The following CDK20 variants were observed in gnomAD, a reference collection of about 807,000 sequenced individuals.
CDK20 encodes cyclin-dependent kinase 20.
In CDK20, 40 loss-of-function variants were observed where a neutral mutation model predicts 38.6. The ratio of observed to expected loss-of-function variants is 1.04; its 90% CI spans 0.81 to 1.35. The LOEUF is 1.35. Ranked by LOEUF, CDK20 falls within the 40% of genes most tolerant of loss-of-function variation. The pLI is 0.00. For missense variants in CDK20, 512 were observed against 452.6 expected, an observed-to-expected ratio of 1.13 and a Z score of -1.19; for synonymous variants, 209 against 185.7, an observed-to-expected ratio of 1.13 and a Z score of -1.02.
chr9:87,974,140 C>A (rs1830064132), intron 1 of CDK20, 105 bp from the exon 2 acceptor site: 1 of 1,567,712 alleles, frequency 6.4e-7, no homozygotes, highest in Non-Finnish European at 8.6e-7. Flanking sequence ...GCCCCCGGCT[C>A]GGCCAGAGGC....
intron 5 of CDK20, chr9:87,970,123 G>A (rs1403733692): frequency 1.6e-5 from 8 of 507,848 alleles, no homozygotes; most frequent in South Asian, 8.6e-5. Context: ...AAGACTTCTC[G>A]GAGACTCCTG....
In CDK20 at chr9:87,967,004, C is replaced by A; in HGVS notation, c.*458G>T. On this transcript the variant is annotated 3_prime_UTR_variant, in exon 8 of 8. Coordinates refer to ENST00000325303, the MANE Select transcript of CDK20 (RefSeq NM_001039803.3). ...GTTTTTAGAATCTATATCTCACATACTGAACTAGTGTTTAATGGCTCTGAG... is the reference window on the plus strand; with the variant it reads ...GTTTTTAGAATCTATATCTCACATAATGAACTAGTGTTTAATGGCTCTGAG... 2.0e-6 allele frequency: 1 copy of A among 491,804 alleles called. No homozygotes were observed. Among genetic ancestry groups the A allele is most frequent in the Non-Finnish European group, 4.1e-6 (1 of 245,794 alleles). The allele number at this position is 491,804 out of a possible 1,614,324, so 30.5% of individuals were successfully genotyped here. A position where few individuals can be genotyped will look rare whatever the true frequency, so the allele number is the denominator to read the frequency against.
At chr9:87,970,990 C>T (rs376697097) in intron 3 of CDK20, 93 bp from the exon 4 acceptor site, 116 of 1,553,748 alleles carry the variant, frequency 7.5e-5, no homozygotes, top group Admixed American at 1.8e-4. Context: ...AGGTCAGCCC[C>T]GGTCCCCACC....
In CDK20 at chr9:87,966,673, T is replaced by C. The variant is rs1013649658; in HGVS notation, c.*789A>G. 2 of 178,518 alleles carry C rather than the reference T, an allele frequency of 1.1e-5. No individual in the cohort carries two copies. The highest frequency in any genetic ancestry group is 4.7e-5 in the African/African-American group (2 of 42,594). 11.1% of individuals were successfully genotyped at this position (178,518 alleles called of 1,614,324 possible). A position where few individuals can be genotyped will look rare whatever the true frequency, so the allele number is the denominator to read the frequency against. The stretch of plus-strand genomic sequence containing the variant: ...TTCCAGGAACGCTTGTTTCCTTAAA[T>C]ACACAGCTGCTTCTGGCTCACGCTC... On this transcript the variant is annotated 3_prime_UTR_variant, in exon 8 of 8. Transcript: ENST00000325303.
chr9:87,969,275 C>T lies in CDK20; in HGVS notation c.762G>A (p.Leu254=). The T allele has an allele frequency of 6.2e-7, 1 of 1,614,016 alleles. No homozygotes were observed. The highest frequency in any genetic ancestry group is 8.5e-7 in the Non-Finnish European group (1 of 1,179,964). ...CCAATGCCTGGGGAGAGACGTCAGG[C>T]AGCACCTCCTCCAGGGGCATGGGCA... ...EQVPMPLEEV[L]PDVSPQALDL... The change falls in exon 7 of 8, where the codon CTG becomes CTA. Residue 254 remains leucine, a synonymous_variant. Coordinates refer to ENST00000325303, the MANE Select transcript of CDK20 (RefSeq NM_001039803.3).
Position 87,974,125 on chromosome 9 carries a change from C to T in CDK20, c.76-90G>A, listed in dbSNP as rs373667662. On this transcript the variant is annotated intron_variant, in intron 1 of 7. Transcript: ENST00000325303. ...GAGGGGAAGGTGGTTGAGAGAGAGA[C>T]ACGCGCCCCCGGCTCGGCCAGAGGC... The T allele has an allele frequency of 4.4e-5, 69 of 1,584,880 alleles. No individual in the cohort carries two copies. In the African/African-American group the frequency reaches 8.3e-4, roughly 19 times the overall value.
chr9:87,974,272 T>C (rs546013659), intron 1 of CDK20, 100 bp downstream of exon 1: 1 of 1,330,016 alleles, frequency 7.5e-7, no homozygotes, highest in South Asian at 1.2e-5. Flanking sequence ...TTTTAAAAAC[T>C]GTACTGGATG....
At chr9:87,971,652 G>A (rs1312209756) in intron 2 of CDK20, among the ~76,000 whole-genome samples, 1 of 152,124 alleles carries the variant, frequency 6.6e-6, no homozygotes, top group Non-Finnish European at 1.5e-5. Flanking sequence ...ACATGAGATG[G>A]ACAGGTCTCC....
At position 87,973,910 on chromosome 9, in the gene CDK20, TC is replaced by T; in HGVS notation, c.189+11del. 6.2e-7 allele frequency: 1 copy of T among 1,610,978 alleles called. No homozygotes were observed. The highest frequency in any genetic ancestry group is 8.5e-7 in the Non-Finnish European group (1 of 1,178,124). On this transcript the variant is annotated intron_variant, in intron 2 of 7. Transcript: ENST00000325303. ...GAGGGTGAGAATACCATGCCCCCCC[TC>T]CCCTACTCACATACTGATTGTCCTC...
Position 87,969,716 on chromosome 9 carries a change from T to A in CDK20, c.687+80A>T, listed in dbSNP as rs1437528637. On this transcript the variant is annotated intron_variant, in intron 6 of 7. Transcript: ENST00000325303. ...GGGTTGGGGCCAGGAGAGAGAAGGT[T>A]CAGGGGAGGGAGTGGTTACTTGCTG... 4 of 1,595,218 alleles carry A rather than the reference T, an allele frequency of 2.5e-6. No homozygotes were observed. In the East Asian group the frequency reaches 9.0e-5, roughly 36 times the overall value.
At chr9:87,971,569 A>G (rs567214200) in intron 2 of CDK20, among the ~76,000 whole-genome samples, 17 of 152,284 alleles carry the variant, frequency 1.1e-4, no homozygotes, top group Non-Finnish European at 2.2e-4. Context: ...AAAAGGTCTA[A>G]AAAAGGTCAT....
intron 2 of CDK20, among the ~76,000 whole-genome samples, chr9:87,971,790 G>A (rs888233770): frequency 6.6e-6 from 1 of 152,226 alleles, no homozygotes; most frequent in Admixed American, 6.5e-5. Context: ...AGAGGAGCCA[G>A]GCTACACAGA....
chr9:87,966,921 T>G lies in CDK20; in HGVS notation c.*541A>C, dbSNP rs571255582. 10 of 397,074 alleles carry G rather than the reference T, an allele frequency of 2.5e-5. No homozygotes were observed. The highest frequency in any genetic ancestry group is 1.0e-4 in the African/African-American group (5 of 48,364). The allele number at this position is 397,074 out of a possible 1,614,324, so 24.6% of individuals were successfully genotyped here. A position where few individuals can be genotyped will look rare whatever the true frequency, so the allele number is the denominator to read the frequency against. ...CGAGAGCCATGAGACAATGCCACCT[T>G]AGCCATTTCCCTTGAGAGAAATGAA... On this transcript the variant is annotated 3_prime_UTR_variant, in exon 8 of 8. Coordinates refer to ENST00000325303, the MANE Select transcript of CDK20 (RefSeq NM_001039803.3).
chr9:87,974,491 A>G lies in CDK20; in HGVS notation c.-45T>C, dbSNP rs1466484761. ...TGTGCCCCTGTGCCCCTGAACTTCC[A>G]AACTCCACTTCTCCTCCACCCCACG... On this transcript the variant is annotated 5_prime_UTR_variant, in exon 1 of 8. Transcript: ENST00000325303. 1.9e-6 allele frequency: 3 copies of G among 1,556,524 alleles called. No individual in the cohort carries two copies. The highest frequency in any genetic ancestry group is 3.5e-5 in the Admixed American group (2 of 57,590).
chr9:87,974,258 T>A (rs938902237), intron 1 of CDK20, 114 bp downstream of exon 1: 2 of 1,244,828 alleles, frequency 1.6e-6, no homozygotes, highest in Non-Finnish European at 2.2e-6. Context: ...AGAATATGAG[T>A]AGGTTTTAAA....
chr9:87,972,601 G>A (rs571694277), intron 2 of CDK20, among the ~76,000 whole-genome samples: 3 of 152,296 alleles, frequency 2.0e-5, no homozygotes, highest in East Asian at 3.9e-4. Flanking sequence ...CAGGGGAGCC[G>A]ATGACTTAAC....
At chr9:87,969,978 C>G (rs1829739041) in intron 5 of CDK20, 59 bp from the exon 6 acceptor site, 2 of 1,506,042 alleles carry the variant, frequency 1.3e-6, no homozygotes, top group Non-Finnish European at 1.8e-6. Context: ...ACAGACCCAC[C>G]CACAGAGCAG....
rs1420584337 is a variant in CDK20, at chr9:87,973,968, G to A, written c.143C>T (p.Ala48Val). ...RRLEDGFPNQ[A>V]LREIKALQEM... ...CTGCAGAGCCTTAATCTCCCGCAGG[G>A]CCTGGTTAGGGAAGCCGTCCTCCAA... Residue 48 changes from alanine (A) to valine (V), a missense_variant, in exon 2 of 8, where the codon GCC (alanine) becomes GTC (valine). Physicochemically the swap from Ala to Val is moderately conservative, Grantham distance 64 (BLOSUM62 0). Transcript: ENST00000325303. 8.1e-6 allele frequency: 13 copies of A among 1,614,048 alleles called. No individual in the cohort carries two copies. Among genetic ancestry groups the A allele is most frequent in the Admixed American group, 3.3e-5 (2 of 60,010 alleles).
intron 6 of CDK20, 97 bp from the exon 7 acceptor site, chr9:87,969,446 T>A: frequency 3.0e-6 from 4 of 1,326,458 alleles, no homozygotes; most frequent in Non-Finnish European, 4.2e-6. Flanking sequence ...CACACTCACA[T>A]GGGGGGTGCT....
Sources: gnomAD v4.1 joint callset for allele counts (sites outside exome capture counted in the v4.1 genomes callset) on GRCh38, gnomAD v4.1.1 for gene constraint, MANE v1.5 for transcripts, NCBI Gene and HGNC (gene_info 2026-07-23, HGNC 2026-07-21) for gene names.